Variants in LANCL1 observed in about 807,000 individuals in gnomAD.
LANCL1 encodes LanC like glutathione S-transferase 1.
LANCL1 carries 50 observed loss-of-function variants against 50.6 expected under a neutral mutation model. That is an observed-to-expected ratio of 0.99 (90% CI 0.79 to 1.25). The LOEUF is 1.25. Among genes scored for constraint, LANCL1 ranks in the 50% most tolerant of loss-of-function variants. The probability of loss-of-function intolerance (pLI) is 0.00; values close to 1 mark genes in which losing one functional copy is unlikely to be tolerated. For missense variants in LANCL1, 532 were observed against 480.7 expected, an observed-to-expected ratio of 1.11 and a Z score of -1.00; for synonymous variants, 188 against 178.6, an observed-to-expected ratio of 1.05 and a Z score of -0.42.
At chr2:210,462,670 A>G (rs1247221112) in intron 3 of LANCL1, among the ~76,000 whole-genome samples, 1 of 152,184 alleles carries the variant, frequency 6.6e-6, no homozygotes, top group Admixed American at 6.5e-5. Context: ...AAGGGGAAAA[A>G]CACCTTCTAT....
intron 3 of LANCL1, among the ~76,000 whole-genome samples, chr2:210,461,869 A>AG (rs1389930954): frequency 6.6e-6 from 1 of 152,156 alleles, no homozygotes; most frequent in African/African-American, 2.4e-5. Flanking sequence ...GACAGTAGTG[A>AG]GATCAGCCAT....
At chr2:210,461,516 TATAC>T (rs1224855769) in intron 3 of LANCL1, among the ~76,000 whole-genome samples, 1 of 152,218 alleles carries the variant, frequency 6.6e-6, no homozygotes, top group African/African-American at 2.4e-5. Flanking sequence ...GCTCAAAGGC[TATAC>T]ATTTGGTAGA....
chr2:210,461,106 T>A (rs1693843449), intron 3 of LANCL1, among the ~76,000 whole-genome samples: 1 of 152,112 alleles, frequency 6.6e-6, no homozygotes, highest in South Asian at 2.1e-4. Flanking sequence ...AAAGTCAGAT[T>A]GTTTAGATAT....
intron 2 of LANCL1, among the ~76,000 whole-genome samples, chr2:210,473,079 TAA>T (rs940994032): frequency 2.4e-4 from 37 of 152,100 alleles, no homozygotes; most frequent in Non-Finnish European, 5.0e-4. Context: ...ATCAGTGTCT[TAA>T]AAAGTCACTG....
chr2:210,473,134 G>A (rs1286427837), intron 2 of LANCL1, among the ~76,000 whole-genome samples: 1 of 152,196 alleles, frequency 6.6e-6, no homozygotes, highest in Non-Finnish European at 1.5e-5. Flanking sequence ...CTAGCATTTT[G>A]GGAGGCCGAG....
At chr2:210,476,291 G>A (rs770033854) in intron 2 of LANCL1, 25 bp downstream of exon 2, 25 of 1,561,416 alleles carry the variant, frequency 1.6e-5, no homozygotes, top group Non-Finnish European at 2.0e-5. Context: ...AGGCAGGGAT[G>A]CAGGCAGACA....
chr2:210,435,141 G>A (rs1692882222), intron 9 of LANCL1, among the ~76,000 whole-genome samples: 1 of 152,086 alleles, frequency 6.6e-6, no homozygotes, highest in Non-Finnish European at 1.5e-5. Flanking sequence ...TGATTTATGA[G>A]GGCGTCTGCA....
chr2:210,437,337 T>A (rs1322455347), intron 7 of LANCL1, among the ~76,000 whole-genome samples: 1 of 152,244 alleles, frequency 6.6e-6, no homozygotes, highest in African/African-American at 2.4e-5. Context: ...TATCAATTCA[T>A]CTGTTGATGA....
chr2:210,469,969 A>ATT (rs3832125), intron 3 of LANCL1, among the ~76,000 whole-genome samples: 80,194 of 148,072 alleles, frequency 0.54, 22,244 homozygotes, highest in East Asian at 0.82. Context: ...TTAACTAGTG[A>ATT]TTTTTTTTTT....
chr2:210,439,664 T>C (rs1215464861), intron 6 of LANCL1, among the ~76,000 whole-genome samples: 1 of 152,226 alleles, frequency 6.6e-6, no homozygotes, highest in Non-Finnish European at 1.5e-5. Flanking sequence ...TGTGTGACTC[T>C]GCATTCAAAA....
chr2:210,440,434 G>A (rs1035213036), intron 6 of LANCL1, among the ~76,000 whole-genome samples, 164 bp downstream of exon 6: 1 of 152,128 alleles, frequency 6.6e-6, no homozygotes, highest in African/African-American at 2.4e-5. Context: ...AGGCACCTTC[G>A]TAAACATTAC....
intron 4 of LANCL1, among the ~76,000 whole-genome samples, chr2:210,452,197 C>T (rs1693530616): frequency 6.7e-6 from 1 of 149,858 alleles, no homozygotes; most frequent in Admixed American, 6.7e-5. Flanking sequence ...TATATTTTAC[C>T]ACAATAAATA....
At chr2:210,462,641 A>G (rs1385507114) in intron 3 of LANCL1, among the ~76,000 whole-genome samples, 1 of 152,240 alleles carries the variant, frequency 6.6e-6, no homozygotes, top group Non-Finnish European at 1.5e-5. Flanking sequence ...CATGCTGAAT[A>G]TATTAATACA....
chr2:210,476,020 C>G (rs1490443988), intron 2 of LANCL1, among the ~76,000 whole-genome samples: 3 of 152,002 alleles, frequency 2.0e-5, no homozygotes, highest in Non-Finnish European at 4.4e-5. Flanking sequence ...AGAAGCAAAC[C>G]AAAATACATT....
intron 5 of LANCL1, 127 bp from the exon 6 acceptor site, chr2:210,440,871 A>C: frequency 1.3e-6 from 1 of 785,382 alleles, no homozygotes; most frequent in Admixed American, 2.7e-5. Flanking sequence ...ATAGCCAGGG[A>C]AAGGCACAGT....
intron 3 of LANCL1, chr2:210,460,510 A>C (rs2105914561): frequency 6.6e-6 from 1 of 150,830 alleles, no homozygotes; most frequent in Non-Finnish European, 1.5e-5. Context: ...GTATTCTCTG[A>C]CTGCAAGTAT....
At chr2:210,472,821 G>C (rs1282882914) in intron 2 of LANCL1, among the ~76,000 whole-genome samples, 1 of 152,170 alleles carries the variant, frequency 6.6e-6, no homozygotes. Context: ...ATGAGATAGT[G>C]TATCACAAGT....
At position 210,441,381 on chromosome 2, in the gene LANCL1, C is replaced by G. The variant is rs774767326; in HGVS notation, c.470G>C (p.Gly157Ala). ...APNEMLYGRI[G>A]YIYALLFVNK... ...GACAAAAAGAAGAGCATAGATGTAGCCTATTCGCCCATAGAGCATTTCATT... is the reference window on the plus strand; with the variant it reads ...GACAAAAAGAAGAGCATAGATGTAGGCTATTCGCCCATAGAGCATTTCATT... Residue 157 changes from glycine (G) to alanine (A), a missense_variant, in exon 5 of 10, where the codon GGC (glycine) becomes GCC (alanine). Coordinates refer to ENST00000450366, the MANE Select transcript of LANCL1 (RefSeq NM_006055.3). The G allele has an allele frequency of 6.2e-7, 1 of 1,612,820 alleles. No homozygotes were observed. Among genetic ancestry groups the G allele is most frequent in the Non-Finnish European group, 8.5e-7 (1 of 1,179,194 alleles).
intron 4 of LANCL1, among the ~76,000 whole-genome samples, chr2:210,449,518 G>A (rs867318107): frequency 2.6e-5 from 4 of 152,304 alleles, no homozygotes; most frequent in African/African-American, 2.4e-5. Context: ...TCAGGCAAGA[G>A]AAAGAAATAA....
Sources: allele counts gnomAD v4.1 joint callset (sites outside exome capture counted in the v4.1 genomes callset), GRCh38; gene constraint gnomAD v4.1.1; transcripts MANE v1.5; gene names NCBI Gene and HGNC (gene_info 2026-07-23, HGNC 2026-07-21).